The following PCDH9 variants were observed in gnomAD, a reference collection of about 807,000 sequenced individuals.
PCDH9 encodes protocadherin 9.
PCDH9 carries 24 observed loss-of-function variants against 70.6 expected under a neutral mutation model. The ratio of observed to expected loss-of-function variants is 0.34; its 90% CI spans 0.25 to 0.48. The LOEUF (loss-of-function observed/expected upper bound fraction) is 0.48, where lower values mean the gene tolerates loss of function less well. Ranked by LOEUF, PCDH9 falls within the 20% of genes least tolerant of loss-of-function variation. The pLI, the probability that PCDH9 is intolerant of heterozygous loss-of-function variation, is 0.99. For synonymous variants in PCDH9, 562 were observed against 558.5 expected, an observed-to-expected ratio of 1.01 and a Z score of -0.09; for missense variants, 1,281 against 1,503.6, an observed-to-expected ratio of 0.85 and a Z score of 2.45.
At chr13:67,059,074 G>T (rs1008006170) in intron 2 of PCDH9, among the ~76,000 whole-genome samples, 3 of 151,672 alleles carry the variant, frequency 2.0e-5, no homozygotes, top group Non-Finnish European at 4.4e-5. Context: ...GGCCTCTCAA[G>T]AATCCTGAAC....
At chr13:66,780,280 T>G (rs1489131941) in intron 3 of PCDH9, among the ~76,000 whole-genome samples, 8 of 152,178 alleles carry the variant, frequency 5.3e-5, no homozygotes, top group Non-Finnish European at 1.0e-4. Flanking sequence ...GCAAATCTAT[T>G]TTTTGCCTAA....
chr13:66,526,106 A>G (rs573741908), intron 4 of PCDH9, among the ~76,000 whole-genome samples: 3 of 152,130 alleles, frequency 2.0e-5, no homozygotes, highest in Admixed American at 6.6e-5. Context: ...GATGCTCAAT[A>G]AAAATAAATA....
chr13:66,536,771 A>T (rs1236444805), intron 4 of PCDH9, among the ~76,000 whole-genome samples: 1 of 152,112 alleles, frequency 6.6e-6, no homozygotes. Context: ...CTTTTCTATC[A>T]TCACAGAATA....
At chr13:67,067,040 G>A (rs2085661826) in intron 2 of PCDH9, among the ~76,000 whole-genome samples, 1 of 152,098 alleles carries the variant, frequency 6.6e-6, no homozygotes, top group African/African-American at 2.4e-5. Flanking sequence ...CTAGGGCCTG[G>A]AAACAACCTA....
intron 4 of PCDH9, among the ~76,000 whole-genome samples, chr13:66,534,351 C>G (rs1198621137): frequency 6.6e-6 from 1 of 152,080 alleles, no homozygotes; most frequent in Non-Finnish European, 1.5e-5. Flanking sequence ...TTATTTCTCA[C>G]AGTTCTGAAG....
At chr13:66,367,186 T>A (rs1956567249) in intron 4 of PCDH9, among the ~76,000 whole-genome samples, 1 of 152,166 alleles carries the variant, frequency 6.6e-6, no homozygotes, top group South Asian at 2.1e-4. Context: ...TTATTCATTT[T>A]ATTTCTCCTT....
intron 3 of PCDH9, among the ~76,000 whole-genome samples, chr13:66,685,495 G>T (rs1392782545): frequency 6.6e-6 from 1 of 152,188 alleles, no homozygotes; most frequent in African/African-American, 2.4e-5. Flanking sequence ...TTCTGCTAGG[G>T]CAGAGCAGAA....
intron 3 of PCDH9, among the ~76,000 whole-genome samples, chr13:66,739,589 G>A (rs963583506): frequency 2.0e-5 from 3 of 148,116 alleles, no homozygotes; most frequent in African/African-American, 7.4e-5. Context: ...GCTGTATTCA[G>A]GAATCCCATC....
chr13:67,228,327 C>T lies in PCDH9; in HGVS notation c.114G>A (p.Val38=). The T allele has an allele frequency of 6.2e-7, 1 of 1,614,144 alleles. No homozygotes were observed. Among genetic ancestry groups the T allele is most frequent in the Non-Finnish European group, 8.5e-7 (1 of 1,180,018 alleles). Residue 38 remains valine (V), a synonymous_variant, in exon 2 of 5, where the codon GTG becomes GTA. Transcript: ENST00000377865. The stretch of plus-strand genomic sequence containing the variant: ...GATCCTTTGGTATGTTTCCTATGGG[C>T]ACATTTTCAGGCAATTCCTCTCTAA... The part of the protein sequence containing the change: ...YTIREELPEN[V]PIGNIPKDLN...
chr13:67,178,715 T>A (rs2088534122), intron 2 of PCDH9, among the ~76,000 whole-genome samples: 1 of 152,136 alleles, frequency 6.6e-6, no homozygotes, highest in Non-Finnish European at 1.5e-5. Flanking sequence ...TCATTTAAGT[T>A]CTACTGGATT....
intron 2 of PCDH9, among the ~76,000 whole-genome samples, chr13:67,121,763 C>A (rs1426379695): frequency 6.6e-6 from 1 of 152,098 alleles, no homozygotes; most frequent in East Asian, 1.9e-4. Flanking sequence ...TTTGGTAGTG[C>A]AAAAGATTGG....
intron 4 of PCDH9, among the ~76,000 whole-genome samples, chr13:66,413,401 A>T (rs1957404563): frequency 6.6e-6 from 1 of 152,158 alleles, no homozygotes; most frequent in Non-Finnish European, 1.5e-5. Context: ...GAATCCTCAA[A>T]CTTGGCCTTG....
intron 2 of PCDH9, among the ~76,000 whole-genome samples, chr13:67,067,470 C>G (rs1372303573): frequency 6.6e-6 from 1 of 151,990 alleles, no homozygotes; most frequent in African/African-American, 2.4e-5. Context: ...TTGGACTCGT[C>G]AAATTTCAAT....
chr13:66,546,548 T>TA (rs944759618), intron 4 of PCDH9, among the ~76,000 whole-genome samples: 2 of 152,192 alleles, frequency 1.3e-5, no homozygotes, highest in African/African-American at 4.8e-5. Context: ...GTAAAAATGT[T>TA]AAAAAAGATT....
At chr13:66,434,549 T>C (rs1957833087) in intron 4 of PCDH9, among the ~76,000 whole-genome samples, 3 of 152,022 alleles carry the variant, frequency 2.0e-5, no homozygotes, top group Non-Finnish European at 4.4e-5. Flanking sequence ...GTTTGGCACA[T>C]AATGGATGAT....
chr13:66,616,245 T>C (rs1424843458), intron 4 of PCDH9, among the ~76,000 whole-genome samples: 1 of 152,210 alleles, frequency 6.6e-6, no homozygotes, highest in Non-Finnish European at 1.5e-5. Flanking sequence ...CTCCACTTTA[T>C]GTGTTCTTAT....
At chr13:66,986,718 G>T (rs2083898532) in intron 2 of PCDH9, among the ~76,000 whole-genome samples, 1 of 151,882 alleles carries the variant, frequency 6.6e-6, no homozygotes, top group Non-Finnish European at 1.5e-5. Flanking sequence ...GATGATTTGA[G>T]ATGTTTAAAA....
At chr13:66,584,341 G>T (rs1340775383) in intron 4 of PCDH9, among the ~76,000 whole-genome samples, 1 of 152,058 alleles carries the variant, frequency 6.6e-6, no homozygotes, top group Non-Finnish European at 1.5e-5. Flanking sequence ...AATGATTTTT[G>T]AGTACAGAAT....
chr13:67,026,884 AC>A, intron 2 of PCDH9, among the ~76,000 whole-genome samples: 1 of 152,208 alleles, frequency 6.6e-6, no homozygotes, highest in African/African-American at 2.4e-5. Context: ...TTCAAGGAGA[AC>A]TACCAACCAC....
Sources: gnomAD v4.1 joint callset for allele counts (sites outside exome capture counted in the v4.1 genomes callset) on GRCh38, gnomAD v4.1.1 for gene constraint, MANE v1.5 for transcripts, NCBI Gene and HGNC (gene_info 2026-07-23, HGNC 2026-07-21) for gene names.